Variants in AMBRA1 observed in about 807,000 individuals in gnomAD.
AMBRA1 encodes the protein activating molecule in BECN1-regulated autophagy protein 1.
AMBRA1 carries 47 observed loss-of-function variants against 125.4 expected under a neutral mutation model. That is an observed-to-expected ratio of 0.37 (90% CI 0.30 to 0.48). AMBRA1 has a LOEUF of 0.48. AMBRA1 is among the 20% of genes least tolerant of loss of function. The pLI is 0.99. For missense variants in AMBRA1, 1,331 were observed against 1,693.4 expected (o/e 0.79, Z 3.76); for synonymous variants, 626 against 655.5 (o/e 0.95, Z 0.69).
chr11:46,504,129 C>A (rs1950945228), intron 9 of AMBRA1, among the ~76,000 whole-genome samples: 1 of 152,182 alleles, frequency 6.6e-6, no homozygotes, highest in Non-Finnish European at 1.5e-5. Flanking sequence ...GCTACAGTAT[C>A]CCTTTGCCTC....
intron 1 of AMBRA1, among the ~76,000 whole-genome samples, chr11:46,551,975 C>A (rs12099188): frequency 0.012 from 1,775 of 151,272 alleles, 42 homozygotes; most frequent in African/African-American, 0.041. Context: ...TTGTAGTGAG[C>A]CAAGATCGCA....
At chr11:46,487,216 TCACTGCACTCCAG>T (rs1387683143) in intron 11 of AMBRA1, among the ~76,000 whole-genome samples, 1 of 147,602 alleles carries the variant, frequency 6.8e-6, no homozygotes, top group African/African-American at 2.5e-5. Context: ...CGTGACTGGG[TCACTGCACTCCAG>T]CCTGGGCAAC....
At chr11:46,438,007 C>A (rs1947812508) in intron 12 of AMBRA1, among the ~76,000 whole-genome samples, 1 of 152,136 alleles carries the variant, frequency 6.6e-6, no homozygotes, top group African/African-American at 2.4e-5. Flanking sequence ...GCATTTCTAA[C>A]AAATTCCCAG....
chr11:46,536,252 T>C (rs1952471447), intron 7 of AMBRA1, among the ~76,000 whole-genome samples: 1 of 152,166 alleles, frequency 6.6e-6, no homozygotes, highest in South Asian at 2.1e-4. Flanking sequence ...AAGGGATATA[T>C]ACAGACATGA....
At chr11:46,561,950 G>T (rs2043351651) in intron 1 of AMBRA1, among the ~76,000 whole-genome samples, 1 of 152,158 alleles carries the variant, frequency 6.6e-6, no homozygotes, top group Non-Finnish European at 1.5e-5. Flanking sequence ...AACAAGCATT[G>T]ATTAAGCAGG....
At chr11:46,453,532 A>G (rs1948716907) in intron 11 of AMBRA1, among the ~76,000 whole-genome samples, 1 of 152,238 alleles carries the variant, frequency 6.6e-6, no homozygotes, top group African/African-American at 2.4e-5. Flanking sequence ...TAGAAAATAT[A>G]CTGTGTGGAA....
chr11:46,536,576 C>T (rs1952489264), intron 7 of AMBRA1, among the ~76,000 whole-genome samples: 1 of 152,168 alleles, frequency 6.6e-6, no homozygotes, highest in African/African-American at 2.4e-5. Flanking sequence ...AAGAAGACTG[C>T]TACTTTCCTC....
At chr11:46,504,749 G>C (rs573307721) in intron 9 of AMBRA1, 2 of 152,314 alleles carry the variant, frequency 1.3e-5, no homozygotes, top group East Asian at 3.9e-4. Context: ...AAATCTCAAT[G>C]GTCTTGCTCC....
rs548480530 is a variant in AMBRA1, at chr11:46,443,976, C to T, written c.2522-378G>A. ...GAAAAATGGGAAGACACCATTAACACAGAAAAGCCAGCAGCATTTCAGTCC... is the reference window on the plus strand; with the variant it reads ...GAAAAATGGGAAGACACCATTAACATAGAAAAGCCAGCAGCATTTCAGTCC... On this transcript the variant is annotated intron_variant, in intron 11 of 17. Transcript: ENST00000683756. Among the ~76,000 whole-genome samples the T allele has an allele frequency of 1.5e-4, 23 of 152,292 alleles. 1 individual carries two copies. The South Asian group carries it at 4.8e-3, about 32-fold the overall frequency.
At chr11:46,460,347 A>C (rs1408476296) in intron 11 of AMBRA1, among the ~76,000 whole-genome samples, 1 of 147,562 alleles carries the variant, frequency 6.8e-6, no homozygotes, top group African/African-American at 2.5e-5. Flanking sequence ...TTTGAGACGG[A>C]GTCTCGCTCT....
intron 5 of AMBRA1, among the ~76,000 whole-genome samples, chr11:46,544,440 T>C (rs1332604755): frequency 1.3e-5 from 2 of 152,156 alleles, no homozygotes; most frequent in Non-Finnish European, 2.9e-5. Context: ...TTGGTGGCAA[T>C]GAACAGTCCC....
rs761039216 is a variant in AMBRA1 at position 46,542,433 on chromosome 11, T to C, written c.1584A>G (p.Gln528=). The C allele has an allele frequency of 1.2e-6, 2 of 1,614,046 alleles. No individual in the cohort carries two copies. Among genetic ancestry groups the C allele is most frequent in the Admixed American group, 1.7e-5 (1 of 60,018 alleles). The stretch of plus-strand genomic sequence containing the variant: ...TATTGTTGAGCATTTCCTGGGCCTG[T>C]TGGGTCTGGGGAGCTTCCCCACTCA... ...QSLSGEAPQT[Q]QAQEMLNNNI... is the part of the protein sequence containing the mutation. The change falls in exon 7 of 18, where the codon CAA becomes CAG. Residue 528 remains glutamine, a synonymous_variant. Coordinates refer to ENST00000683756, the MANE Select transcript of AMBRA1 (RefSeq NM_001387011.1). The surrounding 1 kb of genome is among the most constrained non-coding windows in gnomAD (Gnocchi z 5.9).
chr11:46,406,471 G>A (rs1473264360), intron 17 of AMBRA1, among the ~76,000 whole-genome samples: 1 of 150,182 alleles, frequency 6.7e-6, no homozygotes, highest in Non-Finnish European at 1.5e-5. Flanking sequence ...GATCCCAGGA[G>A]TTCAAGGCCA....
intron 14 of AMBRA1, among the ~76,000 whole-genome samples, chr11:46,432,850 A>C (rs1947519487): frequency 6.6e-6 from 1 of 152,240 alleles, no homozygotes; most frequent in African/African-American, 2.4e-5. Context: ...ATGAGCACCT[A>C]TGGGACGTGG....
chr11:46,584,858 G>A (rs1235987081), intron 1 of AMBRA1, among the ~76,000 whole-genome samples: 1 of 152,146 alleles, frequency 6.6e-6, no homozygotes. Flanking sequence ...GATCACCTGA[G>A]GTCAGGAGTT....
chr11:46,444,044 TCTC>T (rs143434903), intron 11 of AMBRA1, among the ~76,000 whole-genome samples: 2,672 of 152,306 alleles, frequency 0.018, 86 homozygotes, highest in South Asian at 0.15. Flanking sequence ...AGACAAAGTA[TCTC>T]CTCCTTTATC....
chr11:46,584,223 G>A (rs1195266391), intron 1 of AMBRA1, among the ~76,000 whole-genome samples: 1 of 146,986 alleles, frequency 6.8e-6, no homozygotes, highest in Non-Finnish European at 1.5e-5. Flanking sequence ...GTCCTTTGTA[G>A]GGACATGGAT....
chr11:46,418,386 A>G (rs924581192), intron 14 of AMBRA1, among the ~76,000 whole-genome samples: 3 of 143,974 alleles, frequency 2.1e-5, no homozygotes, highest in Admixed American at 1.4e-4. Flanking sequence ...AAATATATAT[A>G]TTTATTATAT....
At chr11:46,402,396 C>G (rs567637668) in intron 17 of AMBRA1, among the ~76,000 whole-genome samples, 63 of 152,240 alleles carry the variant, frequency 4.1e-4, no homozygotes, top group Non-Finnish European at 6.3e-4. Flanking sequence ...GAGTCTTGCT[C>G]TGTTGCCCAG....
Sources: gnomAD v4.1 joint callset for allele counts (sites outside exome capture counted in the v4.1 genomes callset) on GRCh38, gnomAD v4.1.1 for gene constraint, Gnocchi (gnomAD v3.1) non-coding constraint, MANE v1.5 for transcripts, NCBI Gene and HGNC (gene_info 2026-07-23, HGNC 2026-07-21) for gene names.